Variants in MCM8 observed in about 807,000 individuals in gnomAD.
The protein encoded by MCM8 is minichromosome maintenance 8 homologous recombination repair factor, also known as DNA helicase MCM8.
A neutral mutation model predicts 98.9 loss-of-function variants in MCM8; 85 were observed. The ratio of observed to expected loss-of-function variants is 0.86; its 90% confidence interval spans 0.72 to 1.03. The LOEUF (loss-of-function observed/expected upper bound fraction) is 1.03, where lower values mean the gene tolerates loss of function less well. MCM8 is among the 50% of genes least tolerant of loss of function. The pLI is 0.00. For synonymous variants in MCM8, 352 were observed against 338.6 expected, an observed-to-expected ratio of 1.04 and a Z score of -0.44; for missense variants, 951 against 997.8, an observed-to-expected ratio of 0.95 and a Z score of 0.63.
intron 17 of MCM8, among the ~76,000 whole-genome samples, chr20:5,991,962 G>A (rs2089862322): frequency 6.6e-6 from 1 of 152,178 alleles, no homozygotes; most frequent in African/African-American, 2.4e-5. Context: ...AGTTGAATAA[G>A]AAAATTCTTA....
At chr20:5,972,113 G>T in intron 11 of MCM8, 76 bp downstream of exon 11, 1 of 1,158,156 alleles carries the variant, frequency 8.6e-7, no homozygotes. Flanking sequence ...TTTACAGAAA[G>T]TAGCAAATTT....
Position 5,986,025 on chromosome 20 carries a change from C to T in MCM8, c.2057C>T (p.Ala686Val), listed in dbSNP as rs1177589683. Residue 686 changes from alanine (A) to valine (V), a missense_variant, in exon 16 of 19, where the codon GCT (alanine) becomes GTT (valine). Physicochemically the swap from Ala to Val is moderately conservative, Grantham distance 64. Coordinates refer to ENST00000610722, the MANE Select transcript of MCM8 (RefSeq NM_032485.6). ...YVYPRLSTEA[A>V]RVLQDFYLEL... ...TACCCAAGGCTATCCACAGAAGCTGCTCGAGTTCTTCAAGATTTTTACCTT... is the reference window on the plus strand; with the variant it reads ...TACCCAAGGCTATCCACAGAAGCTGTTCGAGTTCTTCAAGATTTTTACCTT... The T allele has an allele frequency of 1.9e-6, 3 of 1,614,098 alleles. No individual in the cohort carries two copies. The African/African-American group carries it at 4.0e-5, about 22-fold the overall frequency.
In MCM8 at chr20:5,994,365, A is replaced by G. The variant is rs773652107; in HGVS notation, c.2497A>G (p.Lys833Glu). ...GGGTTACCTCTTGAAAAAAGGCCCA[A>G]AAGTTTACCAGCTTCAAACTATGTA... Reference protein sequence around the residue: ...DQGYLLKKGPKVYQLQTM With the variant: ...DQGYLLKKGPEVYQLQTM The change falls in exon 19 of 19, where the codon AAA becomes GAA. Residue 833 changes from lysine to glutamate, a missense_variant. Physicochemically the swap from Lys to Glu is moderately conservative, Grantham distance 56. Coordinates refer to ENST00000610722, the MANE Select transcript of MCM8 (RefSeq NM_032485.6). 7.5e-6 allele frequency: 12 copies of G among 1,610,470 alleles called. No homozygotes were observed. Among genetic ancestry groups the G allele is most frequent in the Non-Finnish European group, 1.0e-5 (12 of 1,178,718 alleles).
chr20:5,977,380 G>A (rs2089533201), intron 12 of MCM8, among the ~76,000 whole-genome samples: 1 of 152,208 alleles, frequency 6.6e-6, no homozygotes, highest in Non-Finnish European at 1.5e-5. Flanking sequence ...ATTTAAACAG[G>A]TCTGTCTGAC....
chr20:5,996,176 G>T lies in MCM8; in HGVS notation c.*1785G>T. 6.6e-6 allele frequency: 1 copy of T among 152,168 alleles called. No individual in the cohort carries two copies. The highest frequency in any genetic ancestry group is 2.1e-4 in the South Asian group (1 of 4,862). The allele number at this position is 152,168 out of a possible 1,614,324, so 9.4% of individuals were successfully genotyped here. A position where few individuals can be genotyped will look rare whatever the true frequency, so the allele number is the denominator to read the frequency against. On this transcript the variant is annotated 3_prime_UTR_variant, in exon 19 of 19. Transcript: ENST00000610722. ...TATTGTCCTACCTACTGTGGAGGCT[G>T]AAGTAGGAAATCACTTGAGCCCGAG...
intron 12 of MCM8, among the ~76,000 whole-genome samples, chr20:5,975,492 T>C (rs1235833874): frequency 6.9e-6 from 1 of 144,626 alleles, no homozygotes; most frequent in African/African-American, 2.8e-5. Context: ...CTTCCTTTTT[T>C]TGCTCTTTTT....
At chr20:5,972,679 C>T (rs1457810747) in intron 11 of MCM8, 25 of 1,092,726 alleles carry the variant, frequency 2.3e-5, no homozygotes, top group South Asian at 2.1e-4. Flanking sequence ...CTCAGCCTGC[C>T]GAGTAGCTGG....
At position 5,993,183 on chromosome 20, in the gene MCM8, A is replaced by G. The variant is rs376067274; in HGVS notation, c.2241-323A>G. On this transcript the variant is annotated intron_variant, in intron 17 of 18. Coordinates refer to ENST00000610722, the MANE Select transcript of MCM8 (RefSeq NM_032485.6). Reference sequence around the variant, plus strand: ...TTATTTAGTGAAGTCTAAATTTATTATATTTAGAATTTCTTTTCTTCATGA... The same window carrying G: ...TTATTTAGTGAAGTCTAAATTTATTGTATTTAGAATTTCTTTTCTTCATGA... Among the ~76,000 whole-genome samples, 90 of 152,260 alleles carry G rather than the reference A, an allele frequency of 5.9e-4. No homozygotes were observed. In the South Asian group the frequency reaches 0.018, roughly 31 times the overall value.
At position 5,973,047 on chromosome 20, in the gene MCM8, G is replaced by A. The variant is rs201464620; in HGVS notation, c.1255-9G>A. 789 of 1,607,046 alleles carry A rather than the reference G, an allele frequency of 4.9e-4. No homozygotes were observed. Among genetic ancestry groups the A allele is most frequent in the Non-Finnish European group, 6.0e-4 (702 of 1,176,356 alleles). On this transcript the variant is annotated splice_polypyrimidine_tract_variant and intron_variant, in intron 11 of 18. Transcript: ENST00000610722. ...TACTTCTGTTTTTTGTTCTTTTTTC[G>A]CACTTGAGCTTGTTAAAGCAGGTTT...
rs147567185 is a variant in MCM8, at chr20:5,984,955, C to A, written c.1908C>A (p.Ser636=). The A allele has an allele frequency of 2.9e-4, 466 of 1,613,762 alleles. 1 individual carries two copies. The highest frequency in any genetic ancestry group is 3.8e-4 in the Non-Finnish European group (449 of 1,179,888). The stretch of plus-strand genomic sequence containing the variant: ...TGAATAGTCAAGATTCAAATACTTC[C>A]GTACTTGAAGTAGTTTCTGAGAAGC... The part of the protein sequence containing the change: ...ARMNSQDSNT[S]VLEVVSEKPL... The change falls in exon 15 of 19, where the codon TCC becomes TCA. Residue 636 remains serine (S), a synonymous_variant. Transcript: ENST00000610722.
At chr20:5,980,277 C>T (rs2089602960) in intron 13 of MCM8, among the ~76,000 whole-genome samples, 1 of 152,066 alleles carries the variant, frequency 6.6e-6, no homozygotes, top group South Asian at 2.1e-4. Flanking sequence ...TTTTTTATTG[C>T]CTGGACCCCC....
intron 3 of MCM8, among the ~76,000 whole-genome samples, chr20:5,954,195 C>T (rs1020457566): frequency 6.6e-6 from 1 of 151,676 alleles, no homozygotes; most frequent in East Asian, 1.9e-4. Context: ...AAGTGTTGGT[C>T]TGTCTCCTGA....
In MCM8 at chr20:5,993,598, GATTT is replaced by G; in HGVS notation, c.2338_2341del (p.Ile780LeufsTer27). 6.2e-7 allele frequency: 1 copy of G among 1,612,548 alleles called. No individual in the cohort carries two copies. The highest frequency in any genetic ancestry group is 8.5e-7 in the Non-Finnish European group (1 of 1,178,926). On this transcript the variant is annotated frameshift_variant, in exon 18 of 19. Transcript: ENST00000610722. LOFTEE classifies it high-confidence loss of function. ...ATGAGCAACAGGTCAACAGCGAAAA[GATTT>G]ATTTCTGCTCTCAACAACGTTGCTG...
chr20:5,985,993 G>A lies in MCM8; in HGVS notation c.2025G>A (p.Gln675=), dbSNP rs2122811081. ...LLRKYIGYAR[Q]YVYPRLSTEA... is the part of the protein sequence containing the mutation. ...GAAAGTACATTGGCTATGCTCGGCA[G>A]TATGTGTACCCAAGGCTATCCACAG... The change falls in exon 16 of 19, where the codon CAG becomes CAA. Residue 675 remains glutamine (Q), a synonymous_variant. Coordinates refer to ENST00000610722, the MANE Select transcript of MCM8 (RefSeq NM_032485.6). The A allele has an allele frequency of 1.2e-6, 2 of 1,614,242 alleles. No homozygotes were observed. The highest frequency in any genetic ancestry group is 1.1e-5 in the South Asian group (1 of 91,088).
At chr20:5,985,084 T>C (rs776736268) in intron 15 of MCM8, 84 bp downstream of exon 15, 12 of 1,093,954 alleles carry the variant, frequency 1.1e-5, no homozygotes, top group African/African-American at 3.2e-5. Flanking sequence ...AGCAGTAGGA[T>C]ACAAACTTTT....
Position 5,994,619 on chromosome 20 carries a change from T to G in MCM8, c.*228T>G, listed in dbSNP as rs951224351. ...AACTAATTTAAGAAGTGATAAAGTC[T>G]CCAGATGCAGTAGCTCACACTGTAA... is the stretch of plus-strand genomic sequence containing the variant. On this transcript the variant is annotated 3_prime_UTR_variant, in exon 19 of 19. Transcript: ENST00000610722. 4 of 499,282 alleles carry G rather than the reference T, an allele frequency of 8.0e-6. No homozygotes were observed. Among genetic ancestry groups the G allele is most frequent in the Non-Finnish European group, 1.4e-5 (4 of 278,508 alleles). 30.9% of individuals were successfully genotyped at this position (499,282 alleles called of 1,614,324 possible).
intron 11 of MCM8, 120 bp from the exon 12 acceptor site, chr20:5,972,936 T>A: frequency 2.2e-6 from 3 of 1,368,966 alleles, no homozygotes; most frequent in Non-Finnish European, 2.9e-6. Context: ...TAGAAAAAAA[T>A]TATCATGCTT....
At chr20:5,983,214 T>A in intron 14 of MCM8, 49 bp downstream of exon 14, 1 of 1,446,346 alleles carries the variant, frequency 6.9e-7, no homozygotes, top group Non-Finnish European at 9.4e-7. Flanking sequence ...ATCACTTTAA[T>A]TCAATAAGAA....
At chr20:5,959,291 G>A (rs1384972898) in intron 7 of MCM8, among the ~76,000 whole-genome samples, 1 of 152,124 alleles carries the variant, frequency 6.6e-6, no homozygotes, top group Non-Finnish European at 1.5e-5. Context: ...GTTATATAAA[G>A]TTGAAGTCTT....
Sources: gnomAD v4.1 joint callset for allele counts (sites outside exome capture counted in the v4.1 genomes callset) on GRCh38, gnomAD v4.1.1 for gene constraint, MANE v1.5 for transcripts, NCBI Gene and HGNC (gene_info 2026-07-23, HGNC 2026-07-21) for gene names.